Variants in ANK2 observed in about 807,000 individuals in gnomAD.
The protein encoded by ANK2 is ankyrin-2.
In ANK2, 83 loss-of-function variants were observed where a neutral mutation model predicts 360.5. That is an observed-to-expected ratio of 0.23 (90% CI 0.19 to 0.28). The LOEUF (loss-of-function observed/expected upper bound fraction) is 0.28. ANK2 is among the 10% of genes least tolerant of loss of function. The pLI, the probability that ANK2 is intolerant of heterozygous loss-of-function variation, is 1.00. For synonymous variants in ANK2, 1,740 were observed against 1,759.5 expected (o/e 0.99, Z 0.28); for missense variants, 4,201 against 4,795.7 (o/e 0.88, Z 3.66).
chr4:112,983,339 T>C (rs1284346736), intron 2 of ANK2, among the ~76,000 whole-genome samples: 1 of 151,862 alleles, frequency 6.6e-6, no homozygotes, highest in Non-Finnish European at 1.5e-5. Context: ...ATTAAATCTC[T>C]GTTTATCTGA....
chr4:113,346,206 T>G (rs2094831292), intron 35 of ANK2, among the ~76,000 whole-genome samples, 184 bp downstream of exon 35: 1 of 152,208 alleles, frequency 6.6e-6, no homozygotes, highest in African/African-American at 2.4e-5. Flanking sequence ...CTCTGTCAGA[T>G]TTACGATTTC....
chr4:113,356,138 C>T lies in ANK2; in HGVS notation c.7520C>T (p.Ser2507Phe). The change falls in exon 38 of 46, where the codon TCC (serine) becomes TTC (phenylalanine). Residue 2507 changes from serine (S) to phenylalanine (F), a missense_variant. By Grantham distance (155) the Ser-to-Phe change is radical. Coordinates refer to ENST00000357077, the MANE Select transcript of ANK2 (RefSeq NM_001148.6). ...ELLTEVASVR[S>F]RLLRDPDGSA... Reference sequence around the variant, plus strand: ...TTGACGGAAGTGGCCTCTGTGCGGTCCCGGCTACTCCGAGACCCTGATGGC... The same window carrying T: ...TTGACGGAAGTGGCCTCTGTGCGGTTCCGGCTACTCCGAGACCCTGATGGC... 2 of 1,614,052 alleles carry T rather than the reference C, an allele frequency of 1.2e-6. No individual in the cohort carries two copies. The highest frequency in any genetic ancestry group is 1.7e-6 in the Non-Finnish European group (2 of 1,179,974).
chr4:113,109,570 C>T (rs998522667), intron 1 of ANK2, among the ~76,000 whole-genome samples: 4 of 152,090 alleles, frequency 2.6e-5, no homozygotes, highest in African/African-American at 4.8e-5. Context: ...CATTGACCTT[C>T]GATATCTGCC....
At chr4:113,048,231 G>T (rs1306921311), upstream of ANK2, among the ~76,000 whole-genome samples, 1 of 105,502 alleles carries the variant, frequency 9.5e-6, no homozygotes, top group Non-Finnish European at 1.8e-5. Context: ...TTAGGTTCTG[G>T]TTGCATCTAC....
intron 2 of ANK2, among the ~76,000 whole-genome samples, chr4:113,025,591 T>C (rs2059116803): frequency 6.6e-6 from 1 of 152,218 alleles, no homozygotes; most frequent in Non-Finnish European, 1.5e-5. Flanking sequence ...TCTTCAATCA[T>C]GCCTTCATTC....
rs1392245669 is a variant in ANK2 at position 113,254,836 on chromosome 4, A to G, written c.991-899A>G. ...GACTGTCAAACTGGATACTTGGCGA[A>G]CAATCCTTTTTCTAGTGGCCATATT... On this transcript the variant is annotated intron_variant, in intron 10 of 45. Transcript: ENST00000357077. Among the ~76,000 whole-genome samples, 10 of 152,354 alleles carry G rather than the reference A, an allele frequency of 6.6e-5. No homozygotes were observed. The East Asian group carries it at 1.9e-3, about 29-fold the overall frequency.
chr4:112,998,492 A>G (rs1174308593), intron 2 of ANK2, among the ~76,000 whole-genome samples: 1 of 152,176 alleles, frequency 6.6e-6, no homozygotes, highest in African/African-American at 2.4e-5. Context: ...AATGAGAAGA[A>G]AAGTGCCCAG....
At chr4:112,962,700 A>G (rs769357789) in intron 2 of ANK2, among the ~76,000 whole-genome samples, 5 of 152,196 alleles carry the variant, frequency 3.3e-5, no homozygotes, top group Non-Finnish European at 5.9e-5. Flanking sequence ...TTAAGAAAAC[A>G]TATGCTTAAG....
chr4:113,089,750 G>C (rs2086803787), intron 1 of ANK2, among the ~76,000 whole-genome samples: 1 of 152,080 alleles, frequency 6.6e-6, no homozygotes, highest in Non-Finnish European at 1.5e-5. Flanking sequence ...CTTGAACCCG[G>C]GAGGCGGAAA....
At chr4:112,726,851 CAAAAAAA>C in the ANK2 span, among the ~76,000 whole-genome samples, 1 of 69,396 alleles carries the variant, frequency 1.4e-5, no homozygotes, top group Admixed American at 1.6e-4. Flanking sequence ...GACTCTGTCT[CAAAAAAA>C]AAAAAAAAAA....
At chr4:112,731,271 G>C in the ANK2 span, among the ~76,000 whole-genome samples, 4 of 145,544 alleles carry the variant, frequency 2.7e-5, no homozygotes, top group African/African-American at 1.0e-4. Flanking sequence ...CTTCCAGCCT[G>C]GGCAAGAGCA....
intron 1 of ANK2, among the ~76,000 whole-genome samples, chr4:113,066,924 A>G (rs2075815892): frequency 6.6e-6 from 1 of 152,096 alleles, no homozygotes; most frequent in Non-Finnish European, 1.5e-5. Context: ...TAGCATACAT[A>G]AAGTGCTTAG....
intron 22 of ANK2, among the ~76,000 whole-genome samples, 166 bp downstream of exon 22, chr4:113,293,704 A>T (rs1347921416): frequency 6.6e-6 from 1 of 152,256 alleles, no homozygotes. Context: ...AAGTAAATGG[A>T]TTCACACAAG....
intron 36 of ANK2, among the ~76,000 whole-genome samples, chr4:113,348,799 G>T (rs1205476016): frequency 2.6e-5 from 4 of 152,008 alleles, no homozygotes; most frequent in Non-Finnish European, 5.9e-5. Context: ...ATGTATGCTT[G>T]CATACTCTTA....
chr4:112,730,236 G>C, the ANK2 span, among the ~76,000 whole-genome samples: 4 of 105,088 alleles, frequency 3.8e-5, no homozygotes, highest in African/African-American at 1.5e-4. Context: ...CTGGGCAACA[G>C]AGTGAGACTC....
At chr4:113,244,298 A>G (rs376719949) in intron 9 of ANK2, among the ~76,000 whole-genome samples, 129 of 152,368 alleles carry the variant, frequency 8.5e-4, no homozygotes, top group African/African-American at 3.0e-3. Context: ...ACAGTTAACA[A>G]GACAGAGTAG....
chr4:112,815,436 C>T (rs1017881350), upstream of ANK2, among the ~76,000 whole-genome samples: 3 of 152,108 alleles, frequency 2.0e-5, no homozygotes, highest in Admixed American at 6.6e-5. Context: ...TAGTTTCTGA[C>T]GCAGAGCTCA....
chr4:113,162,967 G>A (rs951074062), intron 1 of ANK2, among the ~76,000 whole-genome samples: 3 of 151,646 alleles, frequency 2.0e-5, no homozygotes, highest in East Asian at 3.9e-4. Flanking sequence ...ATTTATTTTC[G>A]CTTGAGAAAT....
chr4:113,151,720 A>T (rs528531597), intron 1 of ANK2, among the ~76,000 whole-genome samples: 1 of 152,076 alleles, frequency 6.6e-6, no homozygotes, highest in Non-Finnish European at 1.5e-5. Context: ...TTGAATTGTT[A>T]TTCTCTATAT....
Sources: gnomAD v4.1 joint callset for allele counts (sites outside exome capture counted in the v4.1 genomes callset) on GRCh38, gnomAD v4.1.1 for gene constraint, MANE v1.5 for transcripts, NCBI Gene and HGNC (gene_info 2026-07-23, HGNC 2026-07-21) for gene names.